Variants in RANBP10 observed in about 807,000 individuals in gnomAD.
RANBP10 encodes the protein ran-binding protein 10.
A neutral mutation model predicts 72.8 loss-of-function variants in RANBP10; 24 were observed. The observed-to-expected ratio is 0.33, with a 90% CI of 0.24 to 0.46. The LOEUF (loss-of-function observed/expected upper bound fraction) is 0.46. RANBP10 is among the 20% of genes least tolerant of loss of function. RANBP10 has a pLI of 1.00. For synonymous variants in RANBP10, 310 were observed against 322.3 expected (o/e 0.96, Z 0.41); for missense variants, 679 against 817.5 (o/e 0.83, Z 2.07).
chr16:67,796,877 T>G (rs1409961445), intron 2 of RANBP10, among the ~76,000 whole-genome samples: 1 of 152,162 alleles, frequency 6.6e-6, no homozygotes, highest in Non-Finnish European at 1.5e-5. Context: ...CCAACGATCC[T>G]AGAATTACAA....
intron 2 of RANBP10, among the ~76,000 whole-genome samples, chr16:67,788,377 C>G (rs1273658548): frequency 6.6e-6 from 1 of 151,588 alleles, no homozygotes; most frequent in Non-Finnish European, 1.5e-5. Flanking sequence ...CTCAGCCTCT[C>G]GAGTAGCTGG....
intron 2 of RANBP10, among the ~76,000 whole-genome samples, chr16:67,779,308 T>C (rs745419071): frequency 2.0e-5 from 3 of 149,854 alleles, no homozygotes; most frequent in South Asian, 2.1e-4. Flanking sequence ...GGTGGGAGGA[T>C]GGCTTGAGCC....
At chr16:67,792,435 G>T (rs1412562460) in intron 2 of RANBP10, among the ~76,000 whole-genome samples, 3 of 151,878 alleles carry the variant, frequency 2.0e-5, no homozygotes, top group Non-Finnish European at 4.4e-5. Context: ...AGTGGCGGAC[G>T]CCTGTAGTCC....
At chr16:67,778,218 G>C (rs142567122) in intron 2 of RANBP10, among the ~76,000 whole-genome samples, 1 of 152,124 alleles carries the variant, frequency 6.6e-6, no homozygotes, top group South Asian at 2.1e-4. Flanking sequence ...GCATAGTGGC[G>C]CATGCCTGTA....
At chr16:67,789,536 C>T (rs2054985476) in intron 2 of RANBP10, among the ~76,000 whole-genome samples, 1 of 151,364 alleles carries the variant, frequency 6.6e-6, no homozygotes, top group South Asian at 2.1e-4. Context: ...ATGGCACCAT[C>T]TCGGCTTGCT....
chr16:67,754,518 G>A (rs1258729184), intron 3 of RANBP10, among the ~76,000 whole-genome samples: 1 of 152,224 alleles, frequency 6.6e-6, no homozygotes, highest in African/African-American at 2.4e-5. Flanking sequence ...GATGGATTCA[G>A]TCATCCACCC....
chr16:67,733,636 T>C (rs1004310695), intron 6 of RANBP10, among the ~76,000 whole-genome samples: 1 of 152,150 alleles, frequency 6.6e-6, no homozygotes, highest in African/African-American at 2.4e-5. Context: ...ATGCTACATA[T>C]GAACACATAC....
At position 67,727,754 on chromosome 16, in the gene RANBP10, C is replaced by T. The variant is rs2053635392; in HGVS notation, c.1617G>A (p.Leu539=). Residue 539 remains leucine (L), a synonymous_variant, in exon 12 of 14, where the codon CTG becomes CTA. Coordinates refer to ENST00000317506, the MANE Select transcript of RANBP10 (RefSeq NM_020850.3). Reference sequence around the variant, plus strand: ...TGAGGCCCGGCTCATCCTGTACCTGCAGCATCTCTGTGTGGGCCAAATTCT... The same window carrying T: ...TGAGGCCCGGCTCATCCTGTACCTGTAGCATCTCTGTGTGGGCCAAATTCT... ...YGKNLAHTEM[L]QDAFSLLAYS... 6.2e-7 allele frequency: 1 copy of T among 1,614,102 alleles called. No homozygotes were observed. Among genetic ancestry groups the T allele is most frequent in the African/African-American group, 1.3e-5 (1 of 74,944 alleles).
chr16:67,805,557 G>T lies in RANBP10; in HGVS notation c.236-18C>A. ...GCCATGACCTAACAGGAGAGGGCAA[G>T]TAAGAAATTTCAGCAGAAGGAAATG... On this transcript the variant is annotated intron_variant, in intron 1 of 13. Transcript: ENST00000317506. 1 of 1,603,788 alleles carries T rather than the reference G, an allele frequency of 6.2e-7. No homozygotes were observed. The highest frequency in any genetic ancestry group is 8.5e-7 in the Non-Finnish European group (1 of 1,173,082).
chr16:67,746,752 T>G (rs2054088571), intron 3 of RANBP10, among the ~76,000 whole-genome samples: 1 of 152,220 alleles, frequency 6.6e-6, no homozygotes, highest in South Asian at 2.1e-4. Flanking sequence ...TTTTGCCTTT[T>G]CCAGAATTTC....
At chr16:67,797,989 CAAA>C (rs56801646) in intron 2 of RANBP10, among the ~76,000 whole-genome samples, 1 of 43,870 alleles carries the variant, frequency 2.3e-5, no homozygotes, top group East Asian at 6.7e-4. Context: ...GACCCTCTCT[CAAA>C]AAAAAAAAAA....
chr16:67,740,196 G>A (rs1480262764), intron 4 of RANBP10, among the ~76,000 whole-genome samples: 3 of 150,704 alleles, frequency 2.0e-5, no homozygotes, highest in Admixed American at 6.6e-5. Context: ...TCCGCCTCCC[G>A]GGTTCACGCC....
At position 67,735,173 on chromosome 16, in the gene RANBP10, C is replaced by T. The variant is rs906727278; in HGVS notation, c.592-131G>A. 5.8e-5 allele frequency: 49 copies of T among 847,432 alleles called. No homozygotes were observed. The African/African-American group carries it at 7.4e-4, about 13-fold the overall frequency. The allele number at this position is 847,432 out of a possible 1,614,324, so 52.5% of individuals were successfully genotyped here. On this transcript the variant is annotated intron_variant, in intron 5 of 13. Coordinates refer to ENST00000317506, the MANE Select transcript of RANBP10 (RefSeq NM_020850.3). ...TGCAGCAAGGCTGGAGGAGGCAGGGCGGAGCCACCTCTGTCCACCTCCCTA... is the reference window on the plus strand; with the variant it reads ...TGCAGCAAGGCTGGAGGAGGCAGGGTGGAGCCACCTCTGTCCACCTCCCTA...
chr16:67,777,481 A>G (rs1849139485), intron 2 of RANBP10, among the ~76,000 whole-genome samples: 1 of 152,154 alleles, frequency 6.6e-6, no homozygotes, highest in Admixed American at 6.6e-5. Context: ...GCTTGCAGTG[A>G]GCCGAGATCG....
intron 2 of RANBP10, among the ~76,000 whole-genome samples, chr16:67,785,709 C>CA (rs2054903598): frequency 8.9e-6 from 1 of 112,386 alleles, no homozygotes. Context: ...GCCTAGGAAA[C>CA]AGAGTGAGTG....
intron 2 of RANBP10, among the ~76,000 whole-genome samples, chr16:67,783,335 G>A (rs1006465885): frequency 8.5e-5 from 13 of 152,120 alleles, no homozygotes; most frequent in African/African-American, 2.9e-4. Flanking sequence ...ACAAGGCCAC[G>A]GGAAGGAGAC....
chr16:67,745,140 T>C (rs548104257), intron 3 of RANBP10, among the ~76,000 whole-genome samples: 76 of 151,808 alleles, frequency 5.0e-4, no homozygotes, highest in Middle Eastern at 6.8e-3. Context: ...GATGCCCAGC[T>C]AATTTTTTTG....
At chr16:67,756,834 C>T (rs1219161196) in intron 3 of RANBP10, among the ~76,000 whole-genome samples, 3 of 152,290 alleles carry the variant, frequency 2.0e-5, no homozygotes, top group Non-Finnish European at 2.9e-5. Context: ...GACTCGAGCT[C>T]GAATCCCAAT....
rs1468556684 is a variant in RANBP10, at chr16:67,727,804, C to T, written c.1567G>A (p.Glu523Lys). 2 of 1,614,108 alleles carry T rather than the reference C, an allele frequency of 1.2e-6. No homozygotes were observed. Among genetic ancestry groups the T allele is most frequent in the East Asian group, 2.2e-5 (1 of 44,890 alleles). ...TTGCCGTACTCCCGGCCCAACTGCT[C>T]ACTCAATGCCTGCAACTCGCGGCCA... ...LFGRELQALS[E>K]QLGREYGKNL... The change falls in exon 12 of 14, where the codon GAG becomes AAG. Residue 523 changes from glutamate to lysine, a missense_variant. Physicochemically the swap from Glu to Lys is moderately conservative, Grantham distance 56 (BLOSUM62 1). Transcript: ENST00000317506.
Sources: gnomAD v4.1 joint callset for allele counts (sites outside exome capture counted in the v4.1 genomes callset) on GRCh38, gnomAD v4.1.1 for gene constraint, MANE v1.5 for transcripts, NCBI Gene and HGNC (gene_info 2026-07-23, HGNC 2026-07-21) for gene names.